Variants in KIF26B observed in about 807,000 individuals in gnomAD.
KIF26B encodes the protein kinesin-like protein KIF26B.
Under a neutral mutation model 151.2 loss-of-function variants are expected in KIF26B, and 63 were observed. The observed-to-expected ratio is 0.42, with a 90% confidence interval of 0.34 to 0.51. The LOEUF is 0.51. Ranked by LOEUF, KIF26B falls within the 20% of genes least tolerant of loss-of-function variation. KIF26B has a pLI of 0.07. For missense variants in KIF26B, 2,813 were observed against 2,913.6 expected (o/e 0.97, Z 0.79); for synonymous variants, 1,357 against 1,262.1 (o/e 1.08, Z -1.59).
chr1:245,455,397 G>A lies in KIF26B; in HGVS notation c.1166+35652G>A, dbSNP rs549904526. 1.6e-4 allele frequency among the ~76,000 whole-genome samples: 25 copies of A among 152,080 alleles called. No homozygotes were observed. The South Asian group carries it at 4.0e-3, about 24-fold the overall frequency. On this transcript the variant is annotated intron_variant, in intron 4 of 14. Coordinates refer to ENST00000407071, the MANE Select transcript of KIF26B (RefSeq NM_018012.4). ...CACGTGCCTATAGTCCCAGCTACTC[G>A]GGAGGCTGAGGCAGGAGAGTCGCTT...
At chr1:245,303,291 C>A (rs1017202970) in intron 2 of KIF26B, among the ~76,000 whole-genome samples, 4 of 149,614 alleles carry the variant, frequency 2.7e-5, no homozygotes, top group Middle Eastern at 3.2e-3. Flanking sequence ...CTCCGCCTCC[C>A]GGGTTCACGC....
intron 2 of KIF26B, among the ~76,000 whole-genome samples, chr1:245,247,938 A>T (rs1558360793): frequency 6.6e-6 from 1 of 152,182 alleles, no homozygotes; most frequent in Non-Finnish European, 1.5e-5. Flanking sequence ...CCCTCAGCTC[A>T]CCAGAGCCCG....
chr1:245,156,569 C>T lies in KIF26B; in HGVS notation c.351C>T (p.Gly117=), dbSNP rs940029296. ...GCTCCCCGGGCTCCGGCAGCGGCGGCGGCTCCTCCCCCGGCTCGGACCGCG... is the reference window on the plus strand; with the variant it reads ...GCTCCCCGGGCTCCGGCAGCGGCGGTGGCTCCTCCCCCGGCTCGGACCGCG... ...GTGSPGSGSG[G]GSSPGSDRGV... The change falls in exon 2 of 15, where the codon GGC becomes GGT. Residue 117 remains glycine, a synonymous_variant. Transcript: ENST00000407071. 7.2e-6 allele frequency: 11 copies of T among 1,530,672 alleles called. No homozygotes were observed. The highest frequency in any genetic ancestry group is 8.7e-6 in the Non-Finnish European group (10 of 1,145,098). The allele number at this position is 1,530,672 out of a possible 1,614,324, so 94.8% of individuals were successfully genotyped here.
chr1:245,552,882 G>A (rs1661926773), intron 5 of KIF26B, among the ~76,000 whole-genome samples: 1 of 152,114 alleles, frequency 6.6e-6, no homozygotes, highest in Non-Finnish European at 1.5e-5. Flanking sequence ...TTCCGGGTGT[G>A]AGCCACCGCA....
rs1046758761 is a variant in KIF26B, at chr1:245,560,854, C to T, written c.1350+19904C>T. Among the ~76,000 whole-genome samples the T allele has an allele frequency of 1.3e-5, 2 of 152,194 alleles. No individual in the cohort carries two copies. The highest frequency in any genetic ancestry group is 2.9e-5 in the Non-Finnish European group (2 of 68,042). On this transcript the variant is annotated intron_variant, in intron 5 of 14. Transcript: ENST00000407071. This position sits in a 1 kb window ranked among gnomAD's most constrained non-coding sequence, Gnocchi z 4.3. ...CTCCGCAGACTCCCGTGTGTGTGCT[C>T]TGGAGAGAAAAGATTCTGGATTTGG...
Position 245,686,175 on chromosome 1 carries a change from C to T in KIF26B, c.3192C>T (p.Gly1064=). ...TGGAAGGCAAGCCCAGGCCCATGGG[C>T]TCCCCCCGGCTGGGCATCGCCAGCC... is the stretch of plus-strand genomic sequence containing the variant. ...GFVEGKPRPM[G]SPRLGIASLS... is the part of the protein sequence containing the mutation. The change falls in exon 12 of 15, where the codon GGC becomes GGT. Residue 1064 remains glycine, a synonymous_variant. Coordinates refer to ENST00000407071, the MANE Select transcript of KIF26B (RefSeq NM_018012.4). The surrounding 1 kb of genome is among the most constrained non-coding windows in gnomAD (Gnocchi z 5.6). 1 of 1,612,056 alleles carries T rather than the reference C, an allele frequency of 6.2e-7. No individual in the cohort carries two copies. Among genetic ancestry groups the T allele is most frequent in the Non-Finnish European group, 8.5e-7 (1 of 1,179,436 alleles).
intron 3 of KIF26B, among the ~76,000 whole-genome samples, chr1:245,411,757 A>G (rs550650373): frequency 1.6e-3 from 248 of 152,310 alleles, no homozygotes; most frequent in African/African-American, 5.2e-3. Context: ...GGATTGAGAC[A>G]TATTCCTGCA....
intron 3 of KIF26B, among the ~76,000 whole-genome samples, chr1:245,419,290 TG>T (rs1439222025): frequency 6.6e-6 from 1 of 152,236 alleles, no homozygotes; most frequent in East Asian, 1.9e-4. Flanking sequence ...GCATGGATAA[TG>T]GTTCATGTTT....
chr1:245,646,834 C>A (rs2043953326), intron 10 of KIF26B, among the ~76,000 whole-genome samples: 1 of 152,212 alleles, frequency 6.6e-6, no homozygotes, highest in Non-Finnish European at 1.5e-5. Flanking sequence ...CACCTGCCTT[C>A]CCATGCAAAT....
rs958455330 is a variant in KIF26B at position 245,667,331 on chromosome 1, A to T, written c.2259-16902A>T. Among the ~76,000 whole-genome samples, 2 of 152,010 alleles carry T rather than the reference A, an allele frequency of 1.3e-5. No individual in the cohort carries two copies. Among genetic ancestry groups the T allele is most frequent in the Admixed American group, 6.6e-5 (1 of 15,264 alleles). ...GCTGGGACAACAGGCGTGTGCCACC[A>T]TGCCCGGCTACTTTTTTAAATATTT... On this transcript the variant is annotated intron_variant, in intron 10 of 14. Coordinates refer to ENST00000407071, the MANE Select transcript of KIF26B (RefSeq NM_018012.4). This position sits in a 1 kb window ranked among gnomAD's most constrained non-coding sequence, Gnocchi z 4.3.
intron 2 of KIF26B, among the ~76,000 whole-genome samples, chr1:245,334,120 G>A (rs1290123822): frequency 1.3e-5 from 2 of 152,162 alleles, no homozygotes; most frequent in African/African-American, 4.8e-5. Context: ...ATACAGCAAG[G>A]TACAAGAAAC....
chr1:245,574,782 C>T (rs1299667352), intron 5 of KIF26B, among the ~76,000 whole-genome samples: 3 of 152,010 alleles, frequency 2.0e-5, no homozygotes, highest in Middle Eastern at 3.4e-3. Flanking sequence ...ACATCACCAT[C>T]TTCCTTTTCA....
Position 245,155,111 on chromosome 1 carries a change from C to A in KIF26B, c.-314C>A. 1 of 518,314 alleles carries A rather than the reference C, an allele frequency of 1.9e-6. No individual in the cohort carries two copies. The highest frequency in any genetic ancestry group is 3.3e-6 in the Non-Finnish European group (1 of 300,330). 32.1% of individuals were successfully genotyped at this position (518,314 alleles called of 1,614,324 possible). A position where few individuals can be genotyped will look rare whatever the true frequency, so the allele number is the denominator to read the frequency against. On this transcript the variant is annotated 5_prime_UTR_variant, in exon 1 of 15. Coordinates refer to ENST00000407071, the MANE Select transcript of KIF26B (RefSeq NM_018012.4). ...TTCCTCGTGGGGGAGCACGGACTGACTTGGCTGAAGAAAATGCCAGTTCTG... is the reference window on the plus strand; with the variant it reads ...TTCCTCGTGGGGGAGCACGGACTGAATTGGCTGAAGAAAATGCCAGTTCTG...
chr1:245,470,613 G>A (rs1226497695), intron 4 of KIF26B, among the ~76,000 whole-genome samples: 1 of 151,834 alleles, frequency 6.6e-6, no homozygotes, highest in Non-Finnish European at 1.5e-5. Flanking sequence ...TGTATTTTTA[G>A]TAGAGACAGG....
chr1:245,380,988 A>G (rs373588560), intron 3 of KIF26B, among the ~76,000 whole-genome samples: 2 of 150,890 alleles, frequency 1.3e-5, no homozygotes, highest in African/African-American at 4.9e-5. Context: ...CTGTGTGGGC[A>G]ATGCTGCCAT....
chr1:245,494,694 G>A (rs999990668), intron 4 of KIF26B, among the ~76,000 whole-genome samples: 2 of 152,140 alleles, frequency 1.3e-5, no homozygotes, highest in African/African-American at 4.8e-5. Context: ...CATATGTTCA[G>A]GAAGATAAAT....
chr1:245,660,989 CTTTTTTT>C (rs35859643), intron 10 of KIF26B, among the ~76,000 whole-genome samples: 4 of 138,806 alleles, frequency 2.9e-5, no homozygotes, highest in South Asian at 2.3e-4. Flanking sequence ...TTTCTTTTTT[CTTTTTTT>C]TTTTTTTGGA....
In KIF26B at chr1:245,698,301, C is replaced by T. The variant is rs770279217; in HGVS notation, c.6020C>T (p.Ala2007Val). The T allele has an allele frequency of 3.1e-6, 5 of 1,612,958 alleles. No homozygotes were observed. Among genetic ancestry groups the T allele is most frequent in the Non-Finnish European group, 4.2e-6 (5 of 1,179,686 alleles). ...CGCCTGCAGCGGCGACGAGGGGGTGCCAGCAAGGTGAGGCAGCCTCCTTCC... is the reference window on the plus strand; with the variant it reads ...CGCCTGCAGCGGCGACGAGGGGGTGTCAGCAAGGTGAGGCAGCCTCCTTCC... Reference protein sequence around the residue: ...VERLQRRRGGASKEAMCFNAK... With the variant: ...VERLQRRRGGVSKEAMCFNAK... The change falls in exon 13 of 15, where the codon GCC becomes GTC. Residue 2007 changes from alanine to valine, a missense_variant. Ala to Val is a moderately conservative substitution (Grantham distance 64, BLOSUM62 0). Transcript: ENST00000407071. The surrounding 1 kb of genome is among the most constrained non-coding windows in gnomAD (Gnocchi z 4.0).
At chr1:245,185,227 C>T (rs1172253403) in intron 2 of KIF26B, among the ~76,000 whole-genome samples, 2 of 151,942 alleles carry the variant, frequency 1.3e-5, no homozygotes, top group African/African-American at 4.8e-5. Flanking sequence ...CAGCCTCTGC[C>T]CCCCGGGTTC....
Sources: allele counts gnomAD v4.1 joint callset (sites outside exome capture counted in the v4.1 genomes callset), GRCh38; gene constraint gnomAD v4.1.1; non-coding constraint Gnocchi (gnomAD v3.1); transcripts MANE v1.5; gene names NCBI Gene and HGNC (gene_info 2026-07-23, HGNC 2026-07-21).